ADK: variants seen among roughly 807,000 people sequenced by gnomAD.
ADK encodes N6,N6-dimethyladenosine kinase.
A neutral mutation model predicts 44.7 loss-of-function variants in ADK; 24 were observed. The observed-to-expected ratio is 0.54, with a 90% CI of 0.39 to 0.76. ADK has a LOEUF of 0.76. ADK is among the 30% of genes least tolerant of loss of function. ADK has a pLI of 0.00. For synonymous variants in ADK, 128 were observed against 142.6 expected, an observed-to-expected ratio of 0.90 and a Z score of 0.73; for missense variants, 321 against 425.1, an observed-to-expected ratio of 0.76 and a Z score of 2.15.
intron 7 of ADK, among the ~76,000 whole-genome samples, chr10:74,571,066 T>C (rs1024064156): frequency 5.9e-5 from 9 of 152,226 alleles, no homozygotes; most frequent in African/African-American, 1.7e-4. Context: ...TTGTCTTTGG[T>C]TCTGTTTATA....
chr10:74,605,974 G>A (rs904150250), intron 9 of ADK, among the ~76,000 whole-genome samples: 4 of 151,958 alleles, frequency 2.6e-5, no homozygotes, highest in African/African-American at 9.7e-5. Flanking sequence ...GTCTTGGGAG[G>A]GTGTATGTGT....
At chr10:74,559,221 C>G (rs948594655) in intron 7 of ADK, among the ~76,000 whole-genome samples, 5 of 152,168 alleles carry the variant, frequency 3.3e-5, no homozygotes, top group Non-Finnish European at 7.4e-5. Context: ...CTTGGCCCAG[C>G]TGCCCAGGCA....
intron 1 of ADK, among the ~76,000 whole-genome samples, chr10:74,161,278 TGCAACA>T (rs1292892848): frequency 1.3e-5 from 2 of 152,188 alleles, no homozygotes; most frequent in African/African-American, 4.8e-5. Context: ...CTCGGCTCAC[TGCAACA>T]TTCACCTCTC....
At chr10:74,419,323 C>T (rs542547960) in intron 6 of ADK, among the ~76,000 whole-genome samples, 25 of 149,786 alleles carry the variant, frequency 1.7e-4, no homozygotes, top group Non-Finnish European at 2.4e-4. Context: ...TGAAGTATTT[C>T]CCCCCCCCAA....
At chr10:74,247,129 A>G (rs1414217271) in intron 3 of ADK, among the ~76,000 whole-genome samples, 1 of 150,760 alleles carries the variant, frequency 6.6e-6, no homozygotes, top group African/African-American at 2.4e-5. Flanking sequence ...ATGAGCCCAG[A>G]GAGGTTAGTT....
rs776340774 is a variant in ADK at position 74,708,334 on chromosome 10, A to G, written c.978A>G (p.Gln326=). 2 of 1,611,348 alleles carry G rather than the reference A, an allele frequency of 1.2e-6. No individual in the cohort carries two copies. Among genetic ancestry groups the G allele is most frequent in the Admixed American group, 1.7e-5 (1 of 59,948 alleles). ...CCTGTGTTCTAGGTTTTCTGTCTCA[A>G]CTGGTCTCTGACAAGCCTCTGACTG... The part of the protein sequence containing the change: ...GDAFVGGFLS[Q]LVSDKPLTEC... Residue 326 remains glutamine, a synonymous_variant, in exon 11 of 11, where the codon CAA becomes CAG. Coordinates refer to ENST00000539909, the MANE Select transcript of ADK (RefSeq NM_006721.4).
chr10:74,457,644 A>G (rs1397428194), intron 6 of ADK, among the ~76,000 whole-genome samples: 1 of 152,228 alleles, frequency 6.6e-6, no homozygotes, highest in Non-Finnish European at 1.5e-5. Context: ...TAGACGGGAT[A>G]AAGAAAATGT....
chr10:74,408,747 CAT>C (rs1390595933), intron 6 of ADK, among the ~76,000 whole-genome samples: 1 of 151,962 alleles, frequency 6.6e-6, no homozygotes, highest in African/African-American at 2.4e-5. Context: ...GCTATAATAT[CAT>C]ATGGAATGAA....
chr10:74,349,031 A>G (rs2131897813), intron 4 of ADK, among the ~76,000 whole-genome samples: 1 of 152,258 alleles, frequency 6.6e-6, no homozygotes, highest in South Asian at 2.1e-4. Flanking sequence ...CTAGCAAGAC[A>G]GGCCAACACT....
chr10:74,356,002 A>ATTTTGGTT lies in ADK; in HGVS notation c.274-38135_274-38134insGGTTTTTT, dbSNP rs772603788. 9.6e-4 allele frequency among the ~76,000 whole-genome samples: 80 copies of ATTTTGGTT among 83,262 alleles called. 20 individuals carry two copies. Among genetic ancestry groups the ATTTTGGTT allele is most frequent in the Non-Finnish European group, 1.2e-3 (54 of 45,660 alleles). The allele number at this position is 83,262 out of a possible 152,430, so 54.6% of individuals were successfully genotyped here. On this transcript the variant is annotated intron_variant, in intron 4 of 10. Coordinates refer to ENST00000539909, the MANE Select transcript of ADK (RefSeq NM_006721.4). ...TCTGAAATATTTCACTAAATAATTC[A>ATTTTGGTT]TTTTTTTTTTTTTTTTTTTTTTTTT...
intron 4 of ADK, among the ~76,000 whole-genome samples, chr10:74,365,336 T>G (rs1842464629): frequency 6.6e-6 from 1 of 152,232 alleles, no homozygotes; most frequent in African/African-American, 2.4e-5. Context: ...GTCCGTGGGT[T>G]TACCTATTCT....
chr10:74,306,671 T>C (rs980502165), intron 3 of ADK, among the ~76,000 whole-genome samples: 1 of 152,178 alleles, frequency 6.6e-6, no homozygotes. Context: ...GGAGAGCTTA[T>C]TACCTTAATA....
chr10:74,519,711 T>A (rs1018608334), intron 6 of ADK, among the ~76,000 whole-genome samples: 2 of 151,980 alleles, frequency 1.3e-5, no homozygotes, highest in Non-Finnish European at 2.9e-5. Flanking sequence ...CATATTTATT[T>A]ACTATGTATT....
intron 3 of ADK, among the ~76,000 whole-genome samples, chr10:74,266,916 T>C (rs958342328): frequency 6.6e-6 from 1 of 152,232 alleles, no homozygotes; most frequent in Non-Finnish European, 1.5e-5. Context: ...ACAATTCCAC[T>C]GAATTTTTTT....
At chr10:74,671,321 C>G (rs955720247) in intron 10 of ADK, among the ~76,000 whole-genome samples, 7 of 151,934 alleles carry the variant, frequency 4.6e-5, no homozygotes, top group African/African-American at 1.5e-4. Context: ...CCTCAGCCTC[C>G]CAAGCAGCTG....
chr10:74,653,639 T>C (rs1049183604), intron 9 of ADK, among the ~76,000 whole-genome samples: 1 of 152,226 alleles, frequency 6.6e-6, no homozygotes, highest in Non-Finnish European at 1.5e-5. Flanking sequence ...ATGTTACACA[T>C]TTTAATCTGC....
chr10:74,348,043 T>C (rs967335196), intron 4 of ADK, among the ~76,000 whole-genome samples: 2 of 152,158 alleles, frequency 1.3e-5, no homozygotes, highest in Admixed American at 6.5e-5. Context: ...CAGCTGATAC[T>C]GACAAGGAGG....
At chr10:74,438,784 T>G (rs1845283290) in intron 6 of ADK, among the ~76,000 whole-genome samples, 1 of 152,190 alleles carries the variant, frequency 6.6e-6, no homozygotes, top group South Asian at 2.1e-4. Flanking sequence ...TTTTCATCTC[T>G]GATTTTATAT....
chr10:74,478,080 T>G (rs1317916493), intron 6 of ADK, among the ~76,000 whole-genome samples: 1 of 152,206 alleles, frequency 6.6e-6, no homozygotes, highest in Non-Finnish European at 1.5e-5. Context: ...TTTTTTGGTT[T>G]GTTTGCTTTA....
Sources: allele counts gnomAD v4.1 joint callset (sites outside exome capture counted in the v4.1 genomes callset), GRCh38; gene constraint gnomAD v4.1.1; transcripts MANE v1.5; gene names NCBI Gene and HGNC (gene_info 2026-07-23, HGNC 2026-07-21).